The following RFX7 variants were observed in gnomAD, a reference collection of about 807,000 sequenced individuals.
The protein encoded by RFX7 is regulatory factor X7, also known as DNA-binding protein RFX7.
In RFX7, 26 loss-of-function variants were observed where a neutral mutation model predicts 111.8. The ratio of observed to expected loss-of-function variants is 0.23; its 90% CI spans 0.17 to 0.32. The LOEUF is 0.32. RFX7 is among the 10% of genes least tolerant of loss of function. The pLI is 1.00. For synonymous variants in RFX7, 624 were observed against 624.4 expected, an observed-to-expected ratio of 1.00 and a Z score of 0.01; for missense variants, 1,573 against 1,772.9, an observed-to-expected ratio of 0.89 and a Z score of 2.02.
intron 5 of RFX7, among the ~76,000 whole-genome samples, chr15:56,124,212 G>A (rs1193969210): frequency 5.3e-5 from 8 of 152,228 alleles, no homozygotes; most frequent in Admixed American, 3.9e-4. Context: ...CACAAGGTCA[G>A]GAGATTGAGA....
At chr15:56,235,527 C>T (rs2043613567) in intron 2 of RFX7, among the ~76,000 whole-genome samples, 1 of 152,142 alleles carries the variant, frequency 6.6e-6, no homozygotes, top group South Asian at 2.1e-4. Flanking sequence ...AAACCAAGTG[C>T]TCTCCATGCT....
chr15:56,241,142 T>A (rs72740508), intron 2 of RFX7, among the ~76,000 whole-genome samples: 19,794 of 152,098 alleles, frequency 0.13, 1,691 homozygotes, highest in East Asian at 0.44. Context: ...AAAATATAAA[T>A]TTTCATATTT....
chr15:56,163,755 T>C (rs2042751806), intron 3 of RFX7, among the ~76,000 whole-genome samples: 1 of 152,194 alleles, frequency 6.6e-6, no homozygotes. Context: ...TATACTATTT[T>C]TGCTTTCTAT....
intron 5 of RFX7, among the ~76,000 whole-genome samples, chr15:56,133,116 A>C (rs1043665130): frequency 5.3e-5 from 8 of 152,146 alleles, no homozygotes; most frequent in Admixed American, 3.9e-4. Flanking sequence ...TGATGAATAT[A>C]CATTTTATAA....
At chr15:56,159,530 G>A (rs2042696248) in intron 3 of RFX7, among the ~76,000 whole-genome samples, 1 of 152,134 alleles carries the variant, frequency 6.6e-6, no homozygotes, top group Admixed American at 6.5e-5. Flanking sequence ...ACATATAATT[G>A]AAGTTAGTAA....
chr15:56,175,886 C>T (rs2042897704), intron 3 of RFX7, among the ~76,000 whole-genome samples: 1 of 152,132 alleles, frequency 6.6e-6, no homozygotes, highest in Non-Finnish European at 1.5e-5. Context: ...TGGTCAGAAA[C>T]TAGGCTCTGG....
chr15:56,107,183 G>A (rs968312567), intron 5 of RFX7, among the ~76,000 whole-genome samples: 5 of 149,566 alleles, frequency 3.3e-5, no homozygotes, highest in Non-Finnish European at 3.0e-5. Context: ...TGTAGTCCCA[G>A]TTACTCGGGA....
At chr15:56,240,932 A>G (rs2043682258) in intron 2 of RFX7, among the ~76,000 whole-genome samples, 1 of 152,134 alleles carries the variant, frequency 6.6e-6, no homozygotes, top group Admixed American at 6.5e-5. Flanking sequence ...TTTATTTTAC[A>G]TAGTCACTTG....
rs2042420461 is a variant in RFX7, at chr15:56,142,882, T to C, written c.297A>G (p.Ser99=). ...NGEKSDQNAM[S]SSRAQQMHAF... The stretch of plus-strand genomic sequence containing the variant: ...CATGCATTTGTTGTGCCCGACTAGA[T>C]GACATGGCATTCTGATCACTAATAG... The change falls in exon 5 of 10, where the codon TCA becomes TCG. Residue 99 remains serine, a synonymous_variant. Transcript: ENST00000559447. The C allele has an allele frequency of 6.2e-7, 1 of 1,613,636 alleles. No homozygotes were observed. Among genetic ancestry groups the C allele is most frequent in the Non-Finnish European group, 8.5e-7 (1 of 1,179,716 alleles).
chr15:56,182,963 T>G (rs1213580181), intron 2 of RFX7, among the ~76,000 whole-genome samples: 1 of 152,182 alleles, frequency 6.6e-6, no homozygotes, highest in Non-Finnish European at 1.5e-5. Context: ...CAGTATATGA[T>G]AGTTCCTATT....
intron 5 of RFX7, among the ~76,000 whole-genome samples, chr15:56,139,523 G>T (rs370535382): frequency 1.3e-5 from 2 of 152,010 alleles, no homozygotes; most frequent in East Asian, 1.9e-4. Context: ...TCTTCTAAAT[G>T]TTTTTCAAAG....
At chr15:56,221,156 G>A (rs1478875807) in intron 2 of RFX7, among the ~76,000 whole-genome samples, 1 of 152,144 alleles carries the variant, frequency 6.6e-6, no homozygotes, top group African/African-American at 2.4e-5. Context: ...GATTGCCTTG[G>A]CCATTCAGGC....
chr15:56,145,648 T>C (rs1193294005), intron 3 of RFX7, among the ~76,000 whole-genome samples: 1 of 152,200 alleles, frequency 6.6e-6, no homozygotes, highest in Non-Finnish European at 1.5e-5. Flanking sequence ...CTACTTATCA[T>C]CACCTTCTTT....
At chr15:56,171,806 T>A (rs1355023690) in intron 3 of RFX7, among the ~76,000 whole-genome samples, 2 of 152,146 alleles carry the variant, frequency 1.3e-5, no homozygotes, top group Non-Finnish European at 2.9e-5. Context: ...TTGAAGTACT[T>A]ATGTGACATC....
chr15:56,149,317 TAG>T (rs1401992944), intron 3 of RFX7, among the ~76,000 whole-genome samples: 5 of 152,204 alleles, frequency 3.3e-5, no homozygotes, highest in African/African-American at 1.2e-4. Context: ...TACAACATCA[TAG>T]ATTAGCCCAT....
intron 2 of RFX7, among the ~76,000 whole-genome samples, chr15:56,186,299 T>A (rs555145707): frequency 6.6e-6 from 1 of 152,312 alleles, no homozygotes; most frequent in South Asian, 2.1e-4. Flanking sequence ...GGCCTAGACA[T>A]TCCTATGAAC....
At chr15:56,124,340 T>C (rs1427983743) in intron 5 of RFX7, among the ~76,000 whole-genome samples, 1 of 151,268 alleles carries the variant, frequency 6.6e-6, no homozygotes, top group African/African-American at 2.4e-5. Context: ...GAGAATGGTG[T>C]GAACCCAGGA....
Position 56,098,167 on chromosome 15 carries a change from C to T in RFX7, c.1021G>A (p.Val341Met), listed in dbSNP as rs745710670. Residue 341 changes from valine (V) to methionine (M), a missense_variant, in exon 9 of 10, where the codon GTG becomes ATG. Transcript: ENST00000559447. ...KKSESATSNG[V>M]TNLPNGNPSI... ...GGATTTCCATTAGGAAGATTAGTCA[C>T]TCCATTGCTTGTAGCACTTTCTGAC... 5 of 1,613,874 alleles carry T rather than the reference C, an allele frequency of 3.1e-6. No individual in the cohort carries two copies. In the South Asian group the frequency reaches 3.3e-5, roughly 11 times the overall value.
At chr15:56,131,223 G>C (rs915811924) in intron 5 of RFX7, among the ~76,000 whole-genome samples, 1 of 148,852 alleles carries the variant, frequency 6.7e-6, no homozygotes, top group Non-Finnish European at 1.5e-5. Context: ...AACACGTCTT[G>C]ACATAAGGAG....
Sources: allele counts gnomAD v4.1 joint callset (sites outside exome capture counted in the v4.1 genomes callset), GRCh38; gene constraint gnomAD v4.1.1; transcripts MANE v1.5; gene names NCBI Gene and HGNC (gene_info 2026-07-23, HGNC 2026-07-21).